The following OCLN variants were observed in gnomAD, a reference collection of about 807,000 sequenced individuals.
The protein encoded by OCLN is phosphatase 1, regulatory subunit 115.
Under a neutral mutation model 47.9 loss-of-function variants are expected in OCLN, and 21 were observed. The ratio of observed to expected loss-of-function variants is 0.44; its 90% CI spans 0.31 to 0.63. OCLN has a LOEUF of 0.63. Ranked by LOEUF, OCLN falls within the 30% of genes least tolerant of loss-of-function variation. The pLI, the probability that OCLN is intolerant of heterozygous loss-of-function variation, is 0.08. For missense variants in OCLN, 360 were observed against 571.0 expected (o/e 0.63, Z 3.77); for synonymous variants, 117 against 198.4 (o/e 0.59, Z 3.45).
chr5:69,525,044 C>A (rs990445875), intron 4 of OCLN, among the ~76,000 whole-genome samples: 10 of 152,132 alleles, frequency 6.6e-5, no homozygotes, highest in Admixed American at 6.5e-4. Flanking sequence ...TTTCTCTTGG[C>A]TATGTACCTA....
intron 1 of OCLN, among the ~76,000 whole-genome samples, chr5:69,499,747 G>A (rs1248803172): frequency 6.6e-6 from 1 of 152,116 alleles, no homozygotes. Flanking sequence ...ACCAAGCCCA[G>A]CTAATTTTTG....
intron 4 of OCLN, among the ~76,000 whole-genome samples, chr5:69,515,235 G>C (rs1406263379): frequency 1.4e-5 from 2 of 146,476 alleles, no homozygotes; most frequent in Non-Finnish European, 3.0e-5. Flanking sequence ...CGGCCGGGCA[G>C]AGGCGCCCCT....
At chr5:69,528,212 T>A (rs897068683) in intron 4 of OCLN, among the ~76,000 whole-genome samples, 12 of 152,162 alleles carry the variant, frequency 7.9e-5, no homozygotes, top group African/African-American at 2.9e-4. Flanking sequence ...GACCACTTAC[T>A]GTTGAGAACC....
At chr5:69,549,879 G>T (rs1164459299) in intron 7 of OCLN, among the ~76,000 whole-genome samples, 2 of 149,736 alleles carry the variant, frequency 1.3e-5, no homozygotes, top group African/African-American at 4.9e-5. Flanking sequence ...TGCTTCCCGT[G>T]TCCCTTTGAC....
intron 4 of OCLN, among the ~76,000 whole-genome samples, chr5:69,515,982 G>A (rs1768954083): frequency 1.3e-5 from 2 of 150,850 alleles, no homozygotes; most frequent in Non-Finnish European, 3.0e-5. Context: ...ATGGGATGGC[G>A]GCCGGGCAGA....
chr5:69,520,197 G>A (rs1267585665), intron 4 of OCLN, among the ~76,000 whole-genome samples: 2 of 151,288 alleles, frequency 1.3e-5, no homozygotes, highest in African/African-American at 4.9e-5. Flanking sequence ...GACCTCAGGT[G>A]ATCTGCCTGC....
intron 2 of OCLN, among the ~76,000 whole-genome samples, chr5:69,504,727 G>A (rs1768549898): frequency 6.6e-6 from 1 of 152,022 alleles, no homozygotes; most frequent in African/African-American, 2.4e-5. Context: ...ACAAGGTCAA[G>A]AGATCGAGAC....
Position 69,509,156 on chromosome 5 carries a change from T to G in OCLN, c.66T>G (p.Tyr22Ter), listed in dbSNP as rs1424253323. The change falls in exon 3 of 9, where the codon TAT (tyrosine) becomes TAG (stop). Residue 22 changes from tyrosine (Y) to a stop codon, truncating the protein, a stop_gained. Transcript: ENST00000396442. LOFTEE classifies it high-confidence loss of function. ...TTCATTTCAGCAAACCGAATCATTA[T>G]GCACCAAGCAATGACATATATGGTG... ...YRPDEFKPNHYAPSNDIYGGE... is the reference protein window; with the variant it reads ...YRPDEFKPNH The G allele has an allele frequency of 1.9e-6, 3 of 1,614,098 alleles. No homozygotes were observed. The highest frequency in any genetic ancestry group is 2.5e-6 in the Non-Finnish European group (3 of 1,179,904).
intron 7 of OCLN, among the ~76,000 whole-genome samples, chr5:69,550,455 G>C (rs182604029): frequency 9.9e-5 from 15 of 151,750 alleles, no homozygotes; most frequent in African/African-American, 3.1e-4. Context: ...GCCTCCCAAA[G>C]TGCTGGAATT....
chr5:69,508,584 A>T (rs988393205), intron 2 of OCLN, among the ~76,000 whole-genome samples: 1 of 151,942 alleles, frequency 6.6e-6, no homozygotes, highest in African/African-American at 2.4e-5. Flanking sequence ...CAAGTGATCC[A>T]CCCGCCTTGG....
At chr5:69,521,686 C>G (rs187120256) in intron 4 of OCLN, among the ~76,000 whole-genome samples, 91 of 152,246 alleles carry the variant, frequency 6.0e-4, no homozygotes, top group African/African-American at 2.2e-3. Flanking sequence ...TTTTTGAAAG[C>G]TCTGCAGATT....
At chr5:69,547,820 G>T in intron 6 of OCLN, 110 bp from the exon 7 acceptor site, 1 of 735,732 alleles carries the variant, frequency 1.4e-6, no homozygotes, top group Admixed American at 1.9e-5. Context: ...AACGAAACAA[G>T]AAAATGTCAT....
At position 69,554,508 on chromosome 5, in the gene OCLN, C is replaced by T. The variant is rs1299533242; in HGVS notation, c.*837C>T. The T allele has an allele frequency of 1.3e-5, 2 of 151,746 alleles. No homozygotes were observed. The highest frequency in any genetic ancestry group is 3.9e-4 in the East Asian group (2 of 5,194). 9.4% of individuals were successfully genotyped at this position (151,746 alleles called of 1,614,324 possible). ...CAATTGTGACTTGAACTGTATCTTACAGGAATGTTCAATTTCTATACATAT... is the reference window on the plus strand; with the variant it reads ...CAATTGTGACTTGAACTGTATCTTATAGGAATGTTCAATTTCTATACATAT... On this transcript the variant is annotated 3_prime_UTR_variant, in exon 9 of 9. Transcript: ENST00000396442.
chr5:69,533,108 C>CACACACACACACACAT (rs1554055366), intron 4 of OCLN, among the ~76,000 whole-genome samples: 1 of 146,892 alleles, frequency 6.8e-6, no homozygotes, highest in South Asian at 2.1e-4. Flanking sequence ...CACACACACA[C>CACACACACACACACAT]ATATATATAT....
intron 4 of OCLN, among the ~76,000 whole-genome samples, chr5:69,528,592 G>T (rs942194016): frequency 6.6e-6 from 1 of 152,284 alleles, no homozygotes; most frequent in South Asian, 2.1e-4. Flanking sequence ...GAATTCTTGA[G>T]GTGGCAGTTT....
intron 4 of OCLN, among the ~76,000 whole-genome samples, chr5:69,514,470 TCTCG>T (rs1768872572): frequency 6.6e-6 from 1 of 152,126 alleles, no homozygotes; most frequent in African/African-American, 2.4e-5. Context: ...CCAAAGGTGC[TCTCG>T]TGGGTCAAGA....
rs148622922 is a variant in OCLN, at chr5:69,497,469, C to T, written c.-69+4569C>T. Among the ~76,000 whole-genome samples, 127 of 146,014 alleles carry T rather than the reference C, an allele frequency of 8.7e-4. 1 individual carries two copies. The highest frequency in any genetic ancestry group is 3.7e-3 in the Middle Eastern group (1 of 268). On this transcript the variant is annotated intron_variant, in intron 1 of 8. Transcript: ENST00000396442. ...GTGGCACAATCTTGGCTCACTGCAA[C>T]CTCTGCCTCCTGGGTTCAAGCAATT...
intron 4 of OCLN, among the ~76,000 whole-genome samples, chr5:69,522,078 C>G (rs1397690960): frequency 6.6e-6 from 1 of 152,144 alleles, no homozygotes; most frequent in African/African-American, 2.4e-5. Flanking sequence ...TCAAGTGATC[C>G]TTGTGCCTTG....
chr5:69,515,099 G>A (rs1239925334), intron 4 of OCLN, among the ~76,000 whole-genome samples: 1 of 151,874 alleles, frequency 6.6e-6, no homozygotes, highest in African/African-American at 2.4e-5. Context: ...CAGTAGGGGC[G>A]GCCGGGCAGA....
Sources: gnomAD v4.1 joint callset for allele counts (sites outside exome capture counted in the v4.1 genomes callset) on GRCh38, gnomAD v4.1.1 for gene constraint, MANE v1.5 for transcripts, NCBI Gene and HGNC (gene_info 2026-07-23, HGNC 2026-07-21) for gene names.